NACC2: variants seen among roughly 807,000 people sequenced by gnomAD.
The protein encoded by NACC2 is NACC family member 2.
Under a neutral mutation model 25.1 loss-of-function variants are expected in NACC2, and 8 were observed. The ratio of observed to expected loss-of-function variants is 0.32; its 90% confidence interval spans 0.19 to 0.57. The LOEUF is 0.57. Among genes scored for constraint, NACC2 ranks in the 20% least tolerant of loss-of-function variants. The probability of loss-of-function intolerance (pLI) is 0.89; values close to 1 mark genes in which losing one functional copy is unlikely to be tolerated. For missense variants in NACC2, 644 were observed against 650.2 expected, an observed-to-expected ratio of 0.99 and a Z score of 0.10; for synonymous variants, 435 against 294.7, an observed-to-expected ratio of 1.48 and a Z score of -4.88.
At chr9:136,042,071 C>A (rs1840642012) in intron 2 of NACC2, among the ~76,000 whole-genome samples, 2 of 152,172 alleles carry the variant, frequency 1.3e-5, no homozygotes, top group African/African-American at 4.8e-5. Flanking sequence ...TCACTATAAC[C>A]TCCACCTCCT....
At chr9:136,038,383 C>A (rs1158778405) in intron 2 of NACC2, among the ~76,000 whole-genome samples, 1 of 151,990 alleles carries the variant, frequency 6.6e-6, no homozygotes, top group African/African-American at 2.4e-5. Context: ...AAAAAAAATC[C>A]ACAAAAATTA....
In NACC2 at chr9:136,020,115, C is replaced by T. The variant is rs976341517; in HGVS notation, c.887-3686G>A. Reference sequence around the variant, plus strand: ...ACAGTGGGAATGCGCTTAGCATCACCGAACCACGCACGTAAAAGTCACTGC... The same window carrying T: ...ACAGTGGGAATGCGCTTAGCATCACTGAACCACGCACGTAAAAGTCACTGC... On this transcript the variant is annotated intron_variant, in intron 2 of 5. Coordinates refer to ENST00000277554, the MANE Select transcript of NACC2 (RefSeq NM_144653.5). This position sits in a 1 kb window ranked among gnomAD's most constrained non-coding sequence, Gnocchi z 4.7. Among the ~76,000 whole-genome samples, 2 of 152,160 alleles carry T rather than the reference C, an allele frequency of 1.3e-5. No homozygotes were observed. Among genetic ancestry groups the T allele is most frequent in the Admixed American group, 1.3e-4 (2 of 15,286 alleles).
chr9:136,053,856 C>A (rs2131165819), intron 1 of NACC2, among the ~76,000 whole-genome samples: 1 of 152,322 alleles, frequency 6.6e-6, no homozygotes, highest in African/African-American at 2.4e-5. Context: ...GTCCCAAGTA[C>A]CTGGGCTGGG....
intron 1 of NACC2, among the ~76,000 whole-genome samples, chr9:136,067,304 C>T (rs375170933): frequency 2.4e-3 from 321 of 133,128 alleles, no homozygotes; most frequent in Non-Finnish European, 3.7e-3. Context: ...TGCCTAGAGC[C>T]GGGAGCAGTG....
chr9:136,094,443 G>C (rs1830465877), intron 1 of NACC2, among the ~76,000 whole-genome samples: 1 of 152,338 alleles, frequency 6.6e-6, no homozygotes, highest in Admixed American at 6.5e-5. Flanking sequence ...AGGAAACTCC[G>C]TCGGAAGGCC....
chr9:136,090,142 T>A (rs1190979856), intron 1 of NACC2, among the ~76,000 whole-genome samples: 1 of 152,230 alleles, frequency 6.6e-6, no homozygotes, highest in Non-Finnish European at 1.5e-5. Context: ...GCAAAGATGG[T>A]ACTTCCCCTT....
Position 136,086,657 on chromosome 9 carries a change from C to A in NACC2, c.-60+8532G>T, listed in dbSNP as rs901636181. Among the ~76,000 whole-genome samples the A allele has an allele frequency of 2.6e-5, 4 of 152,208 alleles. No homozygotes were observed. Among genetic ancestry groups the A allele is most frequent in the African/African-American group, 9.6e-5 (4 of 41,452 alleles). ...TACAATAATTAACACGAATCCTGTT[C>A]CCAAACTTACATAACCGCAGATGAC... On this transcript the variant is annotated intron_variant, in intron 1 of 5. Coordinates refer to ENST00000277554, the MANE Select transcript of NACC2 (RefSeq NM_144653.5). The surrounding 1 kb of genome is among the most constrained non-coding windows in gnomAD (Gnocchi z 5.6).
In NACC2 at chr9:136,009,268, AAGGCTTGGTCC is replaced by A; in HGVS notation, c.*2237_*2247del. ...CCGCGGCTTCCTCCCATCTCCGAGGAAGGCTTGGTCCAGGTTCCCAGCGGGCCCCATGGGGG... is the reference window on the plus strand; with the variant it reads ...CCGCGGCTTCCTCCCATCTCCGAGGAAGGTTCCCAGCGGGCCCCATGGGGG... On this transcript the variant is annotated 3_prime_UTR_variant, in exon 6 of 6. Transcript: ENST00000277554. 6.6e-6 allele frequency: 1 copy of A among 152,510 alleles called. No individual in the cohort carries two copies. The highest frequency in any genetic ancestry group is 1.9e-4 in the East Asian group (1 of 5,194). The allele number at this position is 152,510 out of a possible 1,614,324, so 9.4% of individuals were successfully genotyped here.
chr9:136,092,039 G>C (rs546246666), intron 1 of NACC2, among the ~76,000 whole-genome samples: 101 of 152,326 alleles, frequency 6.6e-4, no homozygotes, highest in Non-Finnish European at 1.2e-3. Flanking sequence ...AGATCCACCT[G>C]GGGATTAGGG....
Position 136,049,202 on chromosome 9 carries a change from G to A in NACC2, c.886+434C>T, listed in dbSNP as rs961094084. Among the ~76,000 whole-genome samples the A allele has an allele frequency of 1.1e-4, 16 of 152,334 alleles. No homozygotes were observed. The East Asian group carries it at 1.9e-3, about 18-fold the overall frequency. ...GCGCTTCCTGGCCCATCCCTGGCGCGGGGCCTGGAGAGGTGGTGGCAAAGG... is the reference window on the plus strand; with the variant it reads ...GCGCTTCCTGGCCCATCCCTGGCGCAGGGCCTGGAGAGGTGGTGGCAAAGG... On this transcript the variant is annotated intron_variant, in intron 2 of 5. Coordinates refer to ENST00000277554, the MANE Select transcript of NACC2 (RefSeq NM_144653.5).
intron 1 of NACC2, among the ~76,000 whole-genome samples, chr9:136,091,551 C>G (rs1472067516): frequency 6.6e-6 from 1 of 152,212 alleles, no homozygotes; most frequent in African/African-American, 2.4e-5. Flanking sequence ...GAGTGCCGGT[C>G]CCGGAGTTCA....
At chr9:136,037,247 A>T (rs1473747615) in intron 2 of NACC2, among the ~76,000 whole-genome samples, 2 of 152,098 alleles carry the variant, frequency 1.3e-5, no homozygotes, top group East Asian at 3.8e-4. Context: ...TTTTTTTGAG[A>T]TGGAATCTCA....
At chr9:136,072,560 A>AG (rs1487322647) in intron 1 of NACC2, among the ~76,000 whole-genome samples, 1 of 152,064 alleles carries the variant, frequency 6.6e-6, no homozygotes, top group Non-Finnish European at 1.5e-5. Context: ...AGAAAAGAAA[A>AG]GAAAAAAAAG....
At chr9:136,063,895 A>T (rs1005114198) in intron 1 of NACC2, among the ~76,000 whole-genome samples, 1 of 151,710 alleles carries the variant, frequency 6.6e-6, no homozygotes, top group Admixed American at 6.6e-5. Flanking sequence ...AAAAAAAAAA[A>T]AACAAAAAAA....
rs760227949 is a variant in NACC2, at chr9:136,092,299, G to A, written c.-60+2890C>T. ...ACACTCACCGCCGGGGAGCCTGACC[G>A]GAGATGGGGTGAGAGGCCCCAGTGA... On this transcript the variant is annotated intron_variant, in intron 1 of 5. Coordinates refer to ENST00000277554, the MANE Select transcript of NACC2 (RefSeq NM_144653.5). 4.6e-5 allele frequency among the ~76,000 whole-genome samples: 7 copies of A among 152,150 alleles called. 1 individual carries two copies. Among genetic ancestry groups the A allele is most frequent in the Admixed American group, 3.3e-4 (5 of 15,284 alleles).
In NACC2 at chr9:136,011,311, A is replaced by C. The variant is rs1179215367; in HGVS notation, c.*205T>G. The C allele has an allele frequency of 8.3e-6, 4 of 483,190 alleles. No homozygotes were observed. The highest frequency in any genetic ancestry group is 1.3e-5 in the Non-Finnish European group (4 of 311,720). The allele number at this position is 483,190 out of a possible 1,614,324, so 29.9% of individuals were successfully genotyped here. ...GGAGCCCTGGGAACTTCCTCGCAGG[A>C]GGCTGCCAGTGGCCTAATTGTTTAC... On this transcript the variant is annotated 3_prime_UTR_variant, in exon 6 of 6. Coordinates refer to ENST00000277554, the MANE Select transcript of NACC2 (RefSeq NM_144653.5).
intron 1 of NACC2, among the ~76,000 whole-genome samples, chr9:136,066,167 T>C (rs577768531): frequency 1.4e-5 from 2 of 142,394 alleles, no homozygotes; most frequent in South Asian, 2.2e-4. Context: ...CACTCTAGCC[T>C]GGGCAATAGA....
intron 1 of NACC2, among the ~76,000 whole-genome samples, chr9:136,068,526 T>C (rs1841114400): frequency 6.7e-6 from 1 of 149,648 alleles, no homozygotes; most frequent in Admixed American, 6.6e-5. Flanking sequence ...AAAGTAATTG[T>C]GCAATGACAT....
In NACC2 at chr9:136,061,981, G is replaced by A. The variant is rs945175262; in HGVS notation, c.-59-11401C>T. Among the ~76,000 whole-genome samples the A allele has an allele frequency of 2.6e-5, 4 of 152,184 alleles. No individual in the cohort carries two copies. In the South Asian group the frequency reaches 6.2e-4, roughly 24 times the overall value. On this transcript the variant is annotated intron_variant, in intron 1 of 5. Coordinates refer to ENST00000277554, the MANE Select transcript of NACC2 (RefSeq NM_144653.5). ...CTAAAAATACAAAAATTAACTGAGCGTGGTGGTGTGCACCTGTAATCCCAG... is the reference window on the plus strand; with the variant it reads ...CTAAAAATACAAAAATTAACTGAGCATGGTGGTGTGCACCTGTAATCCCAG...
Sources: gnomAD v4.1 joint callset for allele counts (sites outside exome capture counted in the v4.1 genomes callset) on GRCh38, gnomAD v4.1.1 for gene constraint, Gnocchi (gnomAD v3.1) non-coding constraint, MANE v1.5 for transcripts, NCBI Gene and HGNC (gene_info 2026-07-23, HGNC 2026-07-21) for gene names.